ZFHX3: variants seen among roughly 807,000 people sequenced by gnomAD.
ZFHX3 encodes zinc finger homeobox 3.
ZFHX3 carries 42 observed loss-of-function variants against 279.1 expected under a neutral mutation model. The observed-to-expected ratio is 0.15, with a 90% CI of 0.12 to 0.19. The LOEUF is 0.19. Ranked by LOEUF, ZFHX3 falls within the 10% of genes least tolerant of loss-of-function variation. The probability of loss-of-function intolerance (pLI) is 1.00; values close to 1 mark genes in which losing one functional copy is unlikely to be tolerated. For synonymous variants in ZFHX3, 2,293 were observed against 1,957.8 expected (o/e 1.17, Z -4.52); for missense variants, 4,981 against 4,754.0 (o/e 1.05, Z -1.40).
intron 3 of ZFHX3, among the ~76,000 whole-genome samples, chr16:72,921,029 G>A (rs143412216): frequency 1.7e-3 from 199 of 118,322 alleles, no homozygotes; most frequent in Middle Eastern, 9.4e-3. Context: ...CTGTGATCCC[G>A]CCACTATTCT....
chr16:73,691,489 C>G (rs1235758261), intron 1 of ZFHX3, among the ~76,000 whole-genome samples: 1 of 152,144 alleles, frequency 6.6e-6, no homozygotes, highest in Non-Finnish European at 1.5e-5. Flanking sequence ...GGATTTAAAT[C>G]CTGGCTCTAC....
At chr16:73,573,393 C>G (rs1023259361) in intron 2 of ZFHX3, among the ~76,000 whole-genome samples, 1 of 152,184 alleles carries the variant, frequency 6.6e-6, no homozygotes, top group Non-Finnish European at 1.5e-5. Flanking sequence ...TATGCAGGTT[C>G]TGCACCAACA....
At chr16:73,112,713 C>G (rs1468241085) in intron 7 of ZFHX3, among the ~76,000 whole-genome samples, 2 of 38,812 alleles carry the variant, frequency 5.2e-5, no homozygotes, top group Non-Finnish European at 9.2e-5. Flanking sequence ...GAGACTCCAT[C>G]TCAAAAAAAA....
At chr16:72,926,339 G>A (rs974451293) in intron 3 of ZFHX3, among the ~76,000 whole-genome samples, 1 of 152,008 alleles carries the variant, frequency 6.6e-6, no homozygotes, top group African/African-American at 2.4e-5. Context: ...CCGCCCACTC[G>A]CTCCCCTTCC....
At chr16:73,600,071 C>T (rs541353266) in intron 2 of ZFHX3, among the ~76,000 whole-genome samples, 18 of 152,134 alleles carry the variant, frequency 1.2e-4, no homozygotes, top group Non-Finnish European at 2.2e-4. Context: ...TGGCACCATG[C>T]CAACATTTTG....
chr16:72,917,506 C>T (rs776769270), intron 3 of ZFHX3, among the ~76,000 whole-genome samples: 2 of 152,304 alleles, frequency 1.3e-5, no homozygotes, highest in Non-Finnish European at 2.9e-5. Flanking sequence ...GACTATCAAA[C>T]GCCCAGTAAC....
chr16:73,511,015 C>T (rs887674408), intron 2 of ZFHX3, among the ~76,000 whole-genome samples: 1 of 152,238 alleles, frequency 6.6e-6, no homozygotes, highest in African/African-American at 2.4e-5. Context: ...GGATGTGCCT[C>T]ATACCTCTGG....
At chr16:72,917,183 G>C (rs963278243) in intron 3 of ZFHX3, among the ~76,000 whole-genome samples, 1 of 152,210 alleles carries the variant, frequency 6.6e-6, no homozygotes, top group African/African-American at 2.4e-5. Flanking sequence ...CGAGGCTACA[G>C]CGAGCCATGA....
intron 2 of ZFHX3, among the ~76,000 whole-genome samples, chr16:73,620,052 T>C (rs2052342981): frequency 6.6e-6 from 1 of 152,184 alleles, no homozygotes; most frequent in Non-Finnish European, 1.5e-5. Flanking sequence ...GTCTCCCAAG[T>C]AGCTGGGACT....
intron 3 of ZFHX3, among the ~76,000 whole-genome samples, chr16:73,341,198 G>T (rs553847312): frequency 7.9e-5 from 12 of 152,146 alleles, no homozygotes; most frequent in Admixed American, 3.3e-4. Flanking sequence ...AAAATTAGCC[G>T]GGTGTGATGG....
rs1467820780 is a variant in ZFHX3 at position 73,022,583 on chromosome 16, A to T, written c.-50+25169T>A. Among the ~76,000 whole-genome samples the T allele has an allele frequency of 4.6e-5, 7 of 152,130 alleles. 1 individual carries two copies. The highest frequency in any genetic ancestry group is 1.0e-4 in the Non-Finnish European group (7 of 68,018). On this transcript the variant is annotated intron_variant, in intron 1 of 9. Coordinates refer to ENST00000268489, the MANE Select transcript of ZFHX3 (RefSeq NM_006885.4). ...AAGTGTGACAACCAAGAATGTCTCC[A>T]GACTGCCAAATCTTGGGGGGAGGAA...
chr16:73,319,903 G>T (rs947822294), intron 3 of ZFHX3, among the ~76,000 whole-genome samples: 2 of 152,152 alleles, frequency 1.3e-5, no homozygotes, highest in African/African-American at 4.8e-5. Flanking sequence ...TTGCTATGGC[G>T]ACGTGATGGT....
chr16:73,611,823 A>G (rs1052544549), intron 2 of ZFHX3, among the ~76,000 whole-genome samples: 1 of 152,212 alleles, frequency 6.6e-6, no homozygotes, highest in Admixed American at 6.5e-5. Context: ...TAATTTTAAA[A>G]GGGCAAAATA....
chr16:73,138,245 T>C (rs1294661836), intron 6 of ZFHX3, among the ~76,000 whole-genome samples: 3 of 152,168 alleles, frequency 2.0e-5, no homozygotes, highest in African/African-American at 7.2e-5. Flanking sequence ...ATTAAAACAT[T>C]GCAATGTAAT....
At chr16:72,811,289 G>A (rs1240054891) in intron 7 of ZFHX3, among the ~76,000 whole-genome samples, 1 of 152,178 alleles carries the variant, frequency 6.6e-6, no homozygotes, top group African/African-American at 2.4e-5. Flanking sequence ...TGAAGAATTT[G>A]AATAATGATT....
At chr16:73,702,902 T>C (rs2053263976) in intron 1 of ZFHX3, among the ~76,000 whole-genome samples, 1 of 152,172 alleles carries the variant, frequency 6.6e-6, no homozygotes, top group East Asian at 1.9e-4. Flanking sequence ...AAAATTCAAG[T>C]GATGGTGAAA....
At chr16:73,793,681 A>G (rs929630971) in intron 1 of ZFHX3, among the ~76,000 whole-genome samples, 6 of 152,184 alleles carry the variant, frequency 3.9e-5, no homozygotes, top group African/African-American at 1.4e-4. Flanking sequence ...TTGCCCTAAT[A>G]CAGCATCTAT....
intron 2 of ZFHX3, among the ~76,000 whole-genome samples, chr16:73,603,513 A>G (rs1168612272): frequency 6.6e-6 from 1 of 152,122 alleles, no homozygotes; most frequent in East Asian, 1.9e-4. Context: ...GCTCCCATAG[A>G]CAGTTAATAA....
chr16:73,092,897 G>A (rs916250258), intron 8 of ZFHX3: 2 of 519,534 alleles, frequency 3.8e-6, no homozygotes, highest in African/African-American at 3.9e-5. Context: ...TGTGTCCCAC[G>A]CGCTCCTGTT....
Sources: allele counts gnomAD v4.1 joint callset (sites outside exome capture counted in the v4.1 genomes callset), GRCh38; gene constraint gnomAD v4.1.1; transcripts MANE v1.5; gene names NCBI Gene and HGNC (gene_info 2026-07-23, HGNC 2026-07-21).